Variants in PCDHA10 observed in about 807,000 individuals in gnomAD.
PCDHA10 encodes protocadherin alpha-10.
PCDHA10 carries 45 observed loss-of-function variants against 61.2 expected under a neutral mutation model. That is an observed-to-expected ratio of 0.74 (90% CI 0.58 to 0.94). PCDHA10 has a LOEUF of 0.94. PCDHA10 is among the 40% of genes least tolerant of loss of function. PCDHA10 has a pLI of 0.00. For synonymous variants in PCDHA10, 602 were observed against 548.8 expected (o/e 1.10, Z -1.35); for missense variants, 1,278 against 1,236.2 (o/e 1.03, Z -0.51).
At chr5:140,918,853 C>T (rs1348069562) in intron 1 of PCDHA10, among the ~76,000 whole-genome samples, 4 of 152,134 alleles carry the variant, frequency 2.6e-5, no homozygotes, top group Non-Finnish European at 5.9e-5. Context: ...CTGCTGGTGC[C>T]TGAATCATGA....
intron 1 of PCDHA10, among the ~76,000 whole-genome samples, chr5:140,971,657 G>A (rs961666289): frequency 1.3e-5 from 2 of 151,992 alleles, no homozygotes; most frequent in African/African-American, 4.8e-5. Flanking sequence ...AAGTAGATGG[G>A]AATTAGAGAG....
At chr5:140,897,028 A>G (rs2065844542) in intron 1 of PCDHA10, among the ~76,000 whole-genome samples, 2 of 152,046 alleles carry the variant, frequency 1.3e-5, no homozygotes, top group Admixed American at 6.6e-5. Context: ...AATTATTTAG[A>G]CCATAGTCAC....
intron 1 of PCDHA10, among the ~76,000 whole-genome samples, chr5:140,888,469 T>C (rs892080299): frequency 2.0e-5 from 3 of 152,230 alleles, no homozygotes; most frequent in South Asian, 4.1e-4. Flanking sequence ...AAAATGTCAG[T>C]AGTTCCACTG....
At chr5:140,869,937 A>C (rs782444890) in intron 1 of PCDHA10, 1 of 1,612,006 alleles carries the variant, frequency 6.2e-7, no homozygotes, top group Non-Finnish European at 8.5e-7. Flanking sequence ...GAGAGGTAAC[A>C]TACTCCTTAA....
At chr5:140,964,910 A>G (rs1474342229) in intron 1 of PCDHA10, among the ~76,000 whole-genome samples, 2 of 152,206 alleles carry the variant, frequency 1.3e-5, no homozygotes, top group African/African-American at 4.8e-5. Context: ...CTTCTCTGGA[A>G]TAACACTGGC....
At chr5:140,887,928 A>G (rs1345223604) in intron 1 of PCDHA10, among the ~76,000 whole-genome samples, 1 of 152,138 alleles carries the variant, frequency 6.6e-6, no homozygotes, top group Non-Finnish European at 1.5e-5. Flanking sequence ...TTCAGAGACC[A>G]TATTTATTTC....
chr5:140,997,668 TTGTGTGTG>T (rs35184029), intron 3 of PCDHA10, among the ~76,000 whole-genome samples: 1 of 148,244 alleles, frequency 6.7e-6, no homozygotes, highest in Non-Finnish European at 1.5e-5. Context: ...ATTATACAGC[TTGTGTGTG>T]TGTGTGTGTG....
chr5:140,949,591 T>A (rs1279124605), intron 1 of PCDHA10, among the ~76,000 whole-genome samples: 2 of 151,928 alleles, frequency 1.3e-5, no homozygotes, highest in Non-Finnish European at 2.9e-5. Flanking sequence ...GTGATATTAA[T>A]GTGGCCATTC....
intron 3 of PCDHA10, among the ~76,000 whole-genome samples, chr5:141,001,681 A>G (rs2153971146): frequency 6.6e-6 from 1 of 151,672 alleles, no homozygotes; most frequent in East Asian, 2.0e-4. Context: ...GGTCCAACAA[A>G]CCCCACAGAT....
At chr5:140,881,392 A>G (rs2058698624) in intron 1 of PCDHA10, 2 of 979,256 alleles carry the variant, frequency 2.0e-6, no homozygotes. Context: ...CGGTAAGTTA[A>G]ATTCTATTAA....
intron 1 of PCDHA10, among the ~76,000 whole-genome samples, chr5:140,885,916 T>C (rs2060771663): frequency 1.3e-5 from 2 of 152,202 alleles, no homozygotes; most frequent in Admixed American, 1.3e-4. Flanking sequence ...CTTATAGATA[T>C]TAACTGTTTA....
At chr5:140,863,295 C>G in intron 1 of PCDHA10, 1 of 1,463,648 alleles carries the variant, frequency 6.8e-7, no homozygotes, top group South Asian at 1.1e-5. Context: ...TGTACCTGAT[C>G]ATCGCCATCT....
intron 3 of PCDHA10, among the ~76,000 whole-genome samples, chr5:140,984,056 G>A (rs569184437): frequency 6.6e-6 from 1 of 152,318 alleles, no homozygotes; most frequent in African/African-American, 2.4e-5. Context: ...TGACAAATCT[G>A]TACCCTCAGT....
chr5:140,909,117 G>T lies in PCDHA10; in HGVS notation c.2388+50681G>T, dbSNP rs576916273. Among the ~76,000 whole-genome samples the T allele has an allele frequency of 1.1e-4, 16 of 152,272 alleles. No homozygotes were observed. The South Asian group carries it at 3.1e-3, about 30-fold the overall frequency. On this transcript the variant is annotated intron_variant, in intron 1 of 3. Transcript: ENST00000307360. ...ACTCACTGGGTCCAATCAGCAAAAT[G>T]TCATCAAGGTAATGAACCAGTGTGA...
chr5:140,876,792 A>G (rs782210017), intron 1 of PCDHA10: 98 of 1,613,998 alleles, frequency 6.1e-5, no homozygotes, highest in Non-Finnish European at 7.5e-5. Flanking sequence ...CCACGGCTAG[A>G]GTGTCCGTGG....
chr5:140,869,722 G>A, intron 1 of PCDHA10: 2 of 1,613,324 alleles, frequency 1.2e-6, no homozygotes, highest in Non-Finnish European at 1.7e-6. Flanking sequence ...GAAAACTCCG[G>A]AACTTAATTT....
At chr5:140,896,033 A>G (rs994719566) in intron 1 of PCDHA10, among the ~76,000 whole-genome samples, 2 of 151,874 alleles carry the variant, frequency 1.3e-5, no homozygotes, top group East Asian at 1.9e-4. Flanking sequence ...CTGGTCTCGA[A>G]CTCCTGACCT....
intron 3 of PCDHA10, among the ~76,000 whole-genome samples, chr5:141,003,540 T>C (rs2098129225): frequency 6.6e-6 from 1 of 152,188 alleles, no homozygotes; most frequent in Non-Finnish European, 1.5e-5. Flanking sequence ...CTTGAACTCC[T>C]GGCTTCAAGT....
intron 1 of PCDHA10, chr5:140,868,445 T>C (rs1250466502): frequency 6.6e-6 from 1 of 152,220 alleles, no homozygotes; most frequent in Non-Finnish European, 1.5e-5. Flanking sequence ...ATGTGGAACA[T>C]AAACACTAAA....
Sources: allele counts gnomAD v4.1 joint callset (sites outside exome capture counted in the v4.1 genomes callset), GRCh38; gene constraint gnomAD v4.1.1; transcripts MANE v1.5; gene names NCBI Gene and HGNC (gene_info 2026-07-23, HGNC 2026-07-21).